The following SRGAP1 variants were observed in gnomAD, a reference collection of about 807,000 sequenced individuals.
The protein encoded by SRGAP1 is SLIT-ROBO Rho GTPase-activating protein 1.
A neutral mutation model predicts 121.9 loss-of-function variants in SRGAP1; 43 were observed. The observed-to-expected ratio is 0.35, with a 90% CI of 0.28 to 0.46. The LOEUF is 0.46. Among genes scored for constraint, SRGAP1 ranks in the 20% least tolerant of loss-of-function variants. The probability of loss-of-function intolerance (pLI) is 1.00; values close to 1 mark genes in which losing one functional copy is unlikely to be tolerated. For missense variants in SRGAP1, 1,102 were observed against 1,350.9 expected (o/e 0.82, Z 2.89); for synonymous variants, 447 against 485.4 (o/e 0.92, Z 1.04).
chr12:64,087,144 C>A, intron 11 of SRGAP1, 118 bp downstream of exon 11: 3 of 706,672 alleles, frequency 4.2e-6, no homozygotes, highest in South Asian at 2.1e-5. Context: ...ATAGTTTTGG[C>A]TTGACAAAGC....
Position 64,042,086 on chromosome 12 carries a change from A to C in SRGAP1, c.490-704A>C, listed in dbSNP as rs1593070471. Among the ~76,000 whole-genome samples the C allele has an allele frequency of 1.3e-5, 2 of 151,772 alleles. 1 individual carries two copies. Among genetic ancestry groups the C allele is most frequent in the Middle Eastern group, 6.8e-3 (2 of 294 alleles). On this transcript the variant is annotated intron_variant, in intron 4 of 21. Coordinates refer to ENST00000355086, the MANE Select transcript of SRGAP1 (RefSeq NM_020762.4). ...AACTTTTTGTATTTTTAGTAGAGAC[A>C]GGATTTCACCATGTTGGCCAGGCTA...
At chr12:63,954,167 T>C (rs2032383698) in intron 1 of SRGAP1, among the ~76,000 whole-genome samples, 1 of 152,202 alleles carries the variant, frequency 6.6e-6, no homozygotes, top group Non-Finnish European at 1.5e-5. Context: ...TAGGAAACTT[T>C]TTTTCCTCTG....
rs1165371146 is a variant in SRGAP1, at chr12:64,159,917, G to A, written c.*17245G>A. 1.3e-5 allele frequency: 2 copies of A among 152,200 alleles called. No homozygotes were observed. The highest frequency in any genetic ancestry group is 2.9e-5 in the Non-Finnish European group (2 of 68,050). The allele number at this position is 152,200 out of a possible 1,614,324, so 9.4% of individuals were successfully genotyped here. A position where few individuals can be genotyped will look rare whatever the true frequency, so the allele number is the denominator to read the frequency against. On this transcript the variant is annotated 3_prime_UTR_variant, in exon 22 of 22. Transcript: ENST00000355086. Reference sequence around the variant, plus strand: ...GCCACAGCATAATGTAGCCTTTCCTGATGCATACAATTACTTTTCCTTTCT... The same window carrying A: ...GCCACAGCATAATGTAGCCTTTCCTAATGCATACAATTACTTTTCCTTTCT...
chr12:63,908,009 CATAAGTGTG>C (rs1321015131), intron 1 of SRGAP1, among the ~76,000 whole-genome samples: 2 of 152,096 alleles, frequency 1.3e-5, no homozygotes, highest in Non-Finnish European at 2.9e-5. Context: ...ATCAGTTAAC[CATAAGTGTG>C]AGAGTTTATT....
chr12:64,142,775 C>T lies in SRGAP1; in HGVS notation c.*103C>T. The T allele has an allele frequency of 6.8e-7, 1 of 1,461,966 alleles. No homozygotes were observed. Among genetic ancestry groups the T allele is most frequent in the East Asian group, 2.3e-5 (1 of 43,070 alleles). The allele number at this position is 1,461,966 out of a possible 1,614,324, so 90.6% of individuals were successfully genotyped here. On this transcript the variant is annotated 3_prime_UTR_variant, in exon 22 of 22. Transcript: ENST00000355086. ...ACTTTCCTTAGTTTTGTGCTTATAA[C>T]TGGAGATCTTTTGGCTTTTCTATGT...
chr12:64,084,575 G>A (rs1380021427), intron 10 of SRGAP1, among the ~76,000 whole-genome samples: 1 of 149,268 alleles, frequency 6.7e-6, no homozygotes, highest in East Asian at 2.4e-4. Flanking sequence ...GGATGTGGTA[G>A]TGTGGTTATA....
intron 1 of SRGAP1, among the ~76,000 whole-genome samples, chr12:63,870,390 T>C (rs1029653309): frequency 6.6e-6 from 1 of 152,128 alleles, no homozygotes; most frequent in Non-Finnish European, 1.5e-5. Flanking sequence ...AAATATTTTT[T>C]AAAATCCTAA....
At chr12:63,901,695 C>T (rs1407966365) in intron 1 of SRGAP1, among the ~76,000 whole-genome samples, 2 of 152,176 alleles carry the variant, frequency 1.3e-5, no homozygotes, top group African/African-American at 2.4e-5. Flanking sequence ...TGCTACTAAC[C>T]ACAGTTTGGC....
At chr12:64,068,819 G>C (rs186317128) in intron 8 of SRGAP1, among the ~76,000 whole-genome samples, 1,904 of 151,756 alleles carry the variant, frequency 0.013, 34 homozygotes, top group African/African-American at 0.041. Flanking sequence ...AGATCAGCCT[G>C]GCCAGCATGG....
chr12:63,884,628 C>G (rs925063678), intron 1 of SRGAP1, among the ~76,000 whole-genome samples: 45 of 152,002 alleles, frequency 3.0e-4, no homozygotes, highest in African/African-American at 9.4e-4. Context: ...AGTAGAACAC[C>G]AGAATTTATT....
chr12:64,100,351 A>G (rs925811018), intron 15 of SRGAP1, among the ~76,000 whole-genome samples: 6 of 152,188 alleles, frequency 3.9e-5, no homozygotes, highest in Non-Finnish European at 8.8e-5. Flanking sequence ...GTAGCAATCA[A>G]TGTCAAGCTT....
chr12:64,129,975 G>GTTT lies in SRGAP1; in HGVS notation c.2880+1775_2880+1776insTTT, dbSNP rs148026849. 1.6e-3 allele frequency among the ~76,000 whole-genome samples: 235 copies of GTTT among 151,236 alleles called. 1 individual carries two copies. The highest frequency in any genetic ancestry group is 5.4e-3 in the African/African-American group (222 of 41,172). On this transcript the variant is annotated intron_variant, in intron 21 of 21. Transcript: ENST00000355086. ...TTCAGCAAGCACCTCAGCAGGTCGT[G>GTTT]GTTGTTGTTGTTGTTGTTGTTGTTG...
intron 1 of SRGAP1, among the ~76,000 whole-genome samples, chr12:63,856,272 A>G (rs1899247490): frequency 6.9e-6 from 1 of 143,996 alleles, no homozygotes; most frequent in East Asian, 1.9e-4. Flanking sequence ...AAATAAATAA[A>G]TAAATAAATA....
At chr12:64,104,723 G>A (rs1369006791) in intron 15 of SRGAP1, among the ~76,000 whole-genome samples, 2 of 152,154 alleles carry the variant, frequency 1.3e-5, no homozygotes, top group Non-Finnish European at 1.5e-5. Flanking sequence ...ACTACTTCAG[G>A]AATGCCAGCA....
intron 3 of SRGAP1, among the ~76,000 whole-genome samples, chr12:64,008,874 T>A (rs1041843741): frequency 6.6e-6 from 1 of 152,144 alleles, no homozygotes; most frequent in African/African-American, 2.4e-5. Context: ...CACAGTACTA[T>A]TAAGAGTAAG....
intron 1 of SRGAP1, among the ~76,000 whole-genome samples, chr12:63,894,496 A>G (rs1403913045): frequency 6.6e-6 from 1 of 150,826 alleles, no homozygotes; most frequent in Non-Finnish European, 1.5e-5. Context: ...ATTATACTTC[A>G]AGTTCTAGGG....
chr12:63,940,214 G>A (rs1461638475), intron 1 of SRGAP1, among the ~76,000 whole-genome samples: 4 of 151,742 alleles, frequency 2.6e-5, no homozygotes, highest in Non-Finnish European at 4.4e-5. Flanking sequence ...CACACGCCTC[G>A]CCCTCCCAAA....
intron 1 of SRGAP1, among the ~76,000 whole-genome samples, chr12:63,855,100 C>G (rs1394349428): frequency 6.6e-6 from 1 of 152,102 alleles, no homozygotes; most frequent in Non-Finnish European, 1.5e-5. Context: ...CTGGAGATGT[C>G]CAATCCAGGC....
At position 64,019,273 on chromosome 12, in the gene SRGAP1, G is replaced by A. The variant is rs1047755227; in HGVS notation, c.489+2261G>A. Reference sequence around the variant, plus strand: ...CTAGACATTTTGCAGACTCTGTAGCGTTCAAGTGAGTAAGCTGACACCTCA... The same window carrying A: ...CTAGACATTTTGCAGACTCTGTAGCATTCAAGTGAGTAAGCTGACACCTCA... On this transcript the variant is annotated intron_variant, in intron 4 of 21. Transcript: ENST00000355086. Among the ~76,000 whole-genome samples, 15 of 152,218 alleles carry A rather than the reference G, an allele frequency of 9.9e-5. No individual in the cohort carries two copies. In the East Asian group the frequency reaches 1.4e-3, roughly 14 times the overall value.
Sources: allele counts gnomAD v4.1 joint callset (sites outside exome capture counted in the v4.1 genomes callset), GRCh38; gene constraint gnomAD v4.1.1; transcripts MANE v1.5; gene names NCBI Gene and HGNC (gene_info 2026-07-23, HGNC 2026-07-21).